KRT5: variants seen among roughly 807,000 people sequenced by gnomAD.
KRT5 encodes keratin 5.
KRT5 carries 17 observed loss-of-function variants against 44.0 expected under a neutral mutation model. The observed-to-expected ratio is 0.39, with a 90% CI of 0.26 to 0.58. The LOEUF is 0.58. Ranked by LOEUF, KRT5 falls within the 20% of genes least tolerant of loss-of-function variation. KRT5 has a pLI of 0.61. For missense variants in KRT5, 737 were observed against 785.5 expected (o/e 0.94, Z 0.74); for synonymous variants, 329 against 312.8 (o/e 1.05, Z -0.55).
intron 6 of KRT5, 103 bp from the exon 7 acceptor site, chr12:52,516,960 A>T (rs1184785587): frequency 6.6e-7 from 1 of 1,522,946 alleles, no homozygotes; most frequent in Non-Finnish European, 9.1e-7. Flanking sequence ...CCAGAGAGAA[A>T]CCAGTACATC....
intron 7 of KRT5, chr12:52,516,393 A>C (rs12231141): frequency 0.13 from 73,126 of 542,914 alleles, 5,491 homozygotes; most frequent in Middle Eastern, 0.18. Flanking sequence ...AGTGTCAAGA[A>C]GATTGCTGAG....
At chr12:52,517,869 A>G (rs1938639129) in intron 4 of KRT5, 28 bp downstream of exon 4, 1 of 1,611,442 alleles carries the variant, frequency 6.2e-7, no homozygotes, top group African/African-American at 1.3e-5. Flanking sequence ...AAACCCACCC[A>G]TGTGAAAAAT....
At position 52,517,734 on chromosome 12, in the gene KRT5, C is replaced by A. The variant is rs191863441; in HGVS notation, c.948G>T (p.Thr316=). The A allele has an allele frequency of 1.2e-6, 2 of 1,614,068 alleles. No individual in the cohort carries two copies. Among genetic ancestry groups the A allele is most frequent in the African/African-American group, 2.7e-5 (2 of 74,928 alleles). Residue 316 remains threonine (T), a synonymous_variant, in exon 5 of 9, where the codon ACG becomes ACT. Transcript: ENST00000252242. ...FFDAELSQMQ[T]HVSDTSVVLS... ...GGACCACTGAGGTGTCAGAGACATG[C>A]GTCTGCATCTGGGACAGCTCCTGCA...
chr12:52,516,244 A>G (rs566284589), intron 7 of KRT5: 101 of 398,256 alleles, frequency 2.5e-4, no homozygotes, highest in Non-Finnish European at 4.0e-4. Flanking sequence ...ATCCAAAGGT[A>G]GCTGAGTTTA....
chr12:52,517,475 G>T lies in KRT5; in HGVS notation c.1092+115C>A, dbSNP rs137873304. 2,664 of 1,192,864 alleles carry T rather than the reference G, an allele frequency of 2.2e-3. 61 individuals carry two copies. In the Admixed American group the frequency reaches 0.038, roughly 17 times the overall value. 73.9% of individuals were successfully genotyped at this position (1,192,864 alleles called of 1,614,324 possible). On this transcript the variant is annotated intron_variant, in intron 5 of 8. Coordinates refer to ENST00000252242, the MANE Select transcript of KRT5 (RefSeq NM_000424.4). ...TTGTCTACACAGCCATTCCTATAAAGCATCCCAATGGGCTTCAGCAGGTTC... is the reference window on the plus strand; with the variant it reads ...TTGTCTACACAGCCATTCCTATAAATCATCCCAATGGGCTTCAGCAGGTTC...
Position 52,519,869 on chromosome 12 carries a change from A to C in KRT5, c.428T>G (p.Val143Gly). The change falls in exon 1 of 9, where the codon GTC becomes GGC. Residue 143 changes from valine to glycine, a missense_variant. Coordinates refer to ENST00000252242, the MANE Select transcript of KRT5 (RefSeq NM_000424.4). The stretch of plus-strand genomic sequence containing the variant: ...AGTCAGGAGACTCTGGTTGACAGTG[A>C]CCTCTTGGATACCTCCAGGAGGGCA... ...PVCPPGGIQE[V>G]TVNQSLLTPL... 1 of 1,613,610 alleles carries C rather than the reference A, an allele frequency of 6.2e-7. No homozygotes were observed. The highest frequency in any genetic ancestry group is 8.5e-7 in the Non-Finnish European group (1 of 1,179,952).
rs1938668199 is a variant in KRT5, at chr12:52,519,171, G to A, written c.556-11C>T. The A allele has an allele frequency of 6.2e-7, 1 of 1,614,074 alleles. No individual in the cohort carries two copies. The highest frequency in any genetic ancestry group is 1.1e-5 in the South Asian group (1 of 91,074). Reference sequence around the variant, plus strand: ...CTCCAGGAACCGCACCTGGAGGGGAGCAGGGTTTGAAGATAGAGAAACTTG... The same window carrying A: ...CTCCAGGAACCGCACCTGGAGGGGAACAGGGTTTGAAGATAGAGAAACTTG... On this transcript the variant is annotated splice_polypyrimidine_tract_variant and intron_variant, in intron 1 of 8. Coordinates refer to ENST00000252242, the MANE Select transcript of KRT5 (RefSeq NM_000424.4).
In KRT5 at chr12:52,514,958, T is replaced by C. The variant is rs759640106; in HGVS notation, c.1757A>G (p.Lys586Arg). Residue 586 changes from lysine (K) to arginine (R), a missense_variant, in exon 9 of 9, where the codon AAG becomes AGG. Lys to Arg is a conservative substitution (Grantham distance 26, BLOSUM62 2). Around this residue, in one of 5 missense-constraint regions of KRT5, gnomAD observed 344 missense variants for 351.6 expected, o/e 0.98. Coordinates refer to ENST00000252242, the MANE Select transcript of KRT5 (RefSeq NM_000424.4). ...AGCAGGTTCTTAGCTCTTGAAGCTC[T>C]TCCGGGAGGAGGAGGTGGTGGAGAC... ...KFVSTTSSSR[K>R]SFKS 1.1e-5 allele frequency: 17 copies of C among 1,613,766 alleles called. No individual in the cohort carries two copies. Among genetic ancestry groups the C allele is most frequent in the Non-Finnish European group, 1.4e-5 (17 of 1,179,980 alleles).
intron 3 of KRT5, 49 bp from the exon 4 acceptor site, chr12:52,518,041 A>G (rs1938643780): frequency 6.2e-7 from 1 of 1,611,232 alleles, no homozygotes; most frequent in African/African-American, 1.3e-5. Flanking sequence ...ACCCTACTCA[A>G]GTGAGCTCCA....
At chr12:52,517,013 C>A in intron 6 of KRT5, 94 bp downstream of exon 6, 1 of 1,533,306 alleles carries the variant, frequency 6.5e-7, no homozygotes, top group Non-Finnish European at 9.0e-7. Context: ...GATCTAGCTG[C>A]GTGTGTTTAG....
chr12:52,518,594 C>T (rs990160498), intron 2 of KRT5: 4 of 556,220 alleles, frequency 7.2e-6, no homozygotes, highest in African/African-American at 5.7e-5. Context: ...TGGGTTATGT[C>T]ACCAGCTCCT....
At position 52,517,188 on chromosome 12, in the gene KRT5, G is replaced by A; in HGVS notation, c.1137C>T (p.Leu379=). The change falls in exon 6 of 9, where the codon CTC becomes CTT. Residue 379 remains leucine (L), a synonymous_variant. Coordinates refer to ENST00000252242, the MANE Select transcript of KRT5 (RefSeq NM_000424.4). ...QQTAGRHGDD[L]RNTKHEISEM... ...CAGAGATCTCATGCTTGGTGTTGCG[G>A]AGGTCATCGCCATGCCGGCCAGCTG... 1 of 1,614,028 alleles carries A rather than the reference G, an allele frequency of 6.2e-7. No homozygotes were observed. The highest frequency in any genetic ancestry group is 1.1e-5 in the South Asian group (1 of 91,058).
rs375273687 is a variant in KRT5 at position 52,520,109 on chromosome 12, C to T, written c.188G>A (p.Arg63Gln). 1.5e-5 allele frequency: 24 copies of T among 1,613,750 alleles called. No individual in the cohort carries two copies. The highest frequency in any genetic ancestry group is 4.4e-5 in the South Asian group (4 of 91,072). ...GACGVGGYGS[R>Q]SLYNLGGSKR... is the part of the protein sequence containing the mutation. ...GGAGCCCCCCAGGTTGTAGAGGCTC[C>T]GGCTGCCATAGCCACCCACTCCACA... The change falls in exon 1 of 9, where the codon CGG becomes CAG. Residue 63 changes from arginine (R) to glutamine (Q), a missense_variant. Physicochemically the swap from Arg to Gln is conservative, Grantham distance 43. Transcript: ENST00000252242.
intron 5 of KRT5, 98 bp from the exon 6 acceptor site, chr12:52,517,330 G>C (rs958743442): frequency 1.4e-5 from 20 of 1,463,942 alleles, no homozygotes; most frequent in Middle Eastern, 1.7e-4. Flanking sequence ...GTGGCAAATA[G>C]TGTGGGGCTG....
intron 1 of KRT5, 117 bp from the exon 2 acceptor site, chr12:52,519,277 T>G: frequency 1.4e-6 from 2 of 1,448,684 alleles, no homozygotes; most frequent in East Asian, 2.5e-5. Context: ...GCACTGTGCC[T>G]GGCCCTGGGC....
chr12:52,517,407 T>C (rs1159465684), intron 5 of KRT5, among the ~76,000 whole-genome samples, 175 bp from the exon 6 acceptor site: 1 of 152,176 alleles, frequency 6.6e-6, no homozygotes, highest in East Asian at 1.9e-4. Context: ...GGTGTGAGAT[T>C]CAGAGTGAGA....
chr12:52,514,762 CG>C lies in KRT5; in HGVS notation c.*179del, dbSNP rs1300986115. On this transcript the variant is annotated 3_prime_UTR_variant, in exon 9 of 9. Transcript: ENST00000252242. ...TGAAGCAGAATATAGAACTGCGGCA[CG>C]GGAGACCAGGGGCTGGGAATGGGGC... 1.4e-5 allele frequency: 9 copies of C among 627,354 alleles called. No homozygotes were observed. Among genetic ancestry groups the C allele is most frequent in the Non-Finnish European group, 2.5e-5 (9 of 356,274 alleles). The allele number at this position is 627,354 out of a possible 1,614,324, so 38.9% of individuals were successfully genotyped here.
intron 2 of KRT5, 135 bp from the exon 3 acceptor site, chr12:52,518,298 C>T (rs539734770): frequency 1.3e-4 from 109 of 818,484 alleles, no homozygotes; most frequent in South Asian, 1.0e-3. Flanking sequence ...GGAGGGGACA[C>T]TGGTAGCATG....
chr12:52,518,072 A>G (rs760864383), intron 3 of KRT5, 31 bp downstream of exon 3: 3 of 1,613,034 alleles, frequency 1.9e-6, no homozygotes, highest in Admixed American at 1.7e-5. Context: ...GCATAGCTGC[A>G]GGCTGCTGGT....
Sources: allele counts gnomAD v4.1 joint callset (sites outside exome capture counted in the v4.1 genomes callset), GRCh38; gene constraint gnomAD v4.1.1; regional missense constraint gnomAD v4.1.1; transcripts MANE v1.5; gene names NCBI Gene and HGNC (gene_info 2026-07-23, HGNC 2026-07-21).